Variants in DST observed in about 807,000 individuals in gnomAD.
DST encodes the protein dystonin.
Under a neutral mutation model 875.2 loss-of-function variants are expected in DST, and 253 were observed. The observed-to-expected ratio is 0.29, with a 90% CI of 0.26 to 0.32. The LOEUF (loss-of-function observed/expected upper bound fraction) is 0.32, where lower values mean the gene tolerates loss of function less well. Among genes scored for constraint, DST ranks in the 10% least tolerant of loss-of-function variants. The pLI, the probability that DST is intolerant of heterozygous loss-of-function variation, is 1.00. For synonymous variants in DST, 3,124 were observed against 3,197.1 expected (o/e 0.98, Z 0.77); for missense variants, 8,287 against 9,111.6 (o/e 0.91, Z 3.68).
At chr6:56,839,941 A>G (rs1322743633) in intron 4 of DST, among the ~76,000 whole-genome samples, 2 of 152,178 alleles carry the variant, frequency 1.3e-5, no homozygotes, top group African/African-American at 2.4e-5. Flanking sequence ...CGACCATTCC[A>G]TGCAGCTTTC....
chr6:56,905,519 T>A (rs1323327498), intron 2 of DST, among the ~76,000 whole-genome samples: 1 of 152,240 alleles, frequency 6.6e-6, no homozygotes, highest in East Asian at 1.9e-4. Flanking sequence ...TTTGTCTTTC[T>A]GTGACTGAGT....
At chr6:56,754,201 T>C (rs1309212313) in intron 4 of DST, among the ~76,000 whole-genome samples, 3 of 152,350 alleles carry the variant, frequency 2.0e-5, no homozygotes, top group Admixed American at 2.0e-4. Context: ...ATTTATAAAG[T>C]ACAACTTCTA....
chr6:56,749,376 T>C (rs773293051), intron 4 of DST, among the ~76,000 whole-genome samples: 5 of 151,994 alleles, frequency 3.3e-5, no homozygotes, highest in Non-Finnish European at 5.9e-5. Flanking sequence ...AATAAGAGCT[T>C]GGGAGCTCTT....
chr6:56,526,458 T>A lies in DST; in HGVS notation c.18032A>T (p.Lys6011Ile). The change falls in exon 69 of 104, where the codon AAA (lysine) becomes ATA (isoleucine). Residue 6011 changes from lysine (K) to isoleucine (I), a missense_variant. By Grantham distance (102) the Lys-to-Ile change is moderately radical. Coordinates refer to ENST00000680361, the MANE Select transcript of DST (RefSeq NM_001374736.1). ...VPWRAREGLEKMVAEDNERYR... is the reference protein window; with the variant it reads ...VPWRAREGLEIMVAEDNERYR... ...GCGCTCATTGTCCTCAGCTACCATT[T>A]TCTCAAGTCCTTCTCTTGCCCTCCA... The A allele has an allele frequency of 1.2e-6, 2 of 1,613,906 alleles. No individual in the cohort carries two copies. The highest frequency in any genetic ancestry group is 2.7e-5 in the African/African-American group (2 of 75,040).
intron 3 of DST, among the ~76,000 whole-genome samples, chr6:56,893,562 C>CTTTTTTTTTTTTTTTTTTTTTTTTTTTTT (rs1282483681): frequency 2.5e-4 from 9 of 35,892 alleles, no homozygotes; most frequent in Non-Finnish European, 4.1e-4. Context: ...ACTTTTAGTT[C>CTTTTTTTTTTTTTTTTTTTTTTTTTTTTT]TTTTTTTTTT....
chr6:56,752,011 T>G (rs555047609), intron 4 of DST, among the ~76,000 whole-genome samples: 3 of 152,174 alleles, frequency 2.0e-5, no homozygotes, highest in Non-Finnish European at 2.9e-5. Context: ...ACAACTCTTA[T>G]GAAGCTTAGA....
chr6:56,856,355 C>T (rs1162625854), intron 3 of DST, among the ~76,000 whole-genome samples: 1 of 152,136 alleles, frequency 6.6e-6, no homozygotes, highest in Admixed American at 6.5e-5. Context: ...AGTGCAGAGA[C>T]AAGGGTTTGC....
At chr6:56,779,395 C>G (rs1179145836) in intron 4 of DST, among the ~76,000 whole-genome samples, 1 of 151,978 alleles carries the variant, frequency 6.6e-6, no homozygotes, top group African/African-American at 2.4e-5. Context: ...TTAAATAGAT[C>G]CCATTTGTCA....
chr6:56,748,950 G>A (rs540618254), intron 4 of DST, among the ~76,000 whole-genome samples: 1 of 152,282 alleles, frequency 6.6e-6, no homozygotes, highest in South Asian at 2.1e-4. Flanking sequence ...GTCCTTGGCT[G>A]TTTAGGATCA....
chr6:56,487,301 A>G (rs1395364983), intron 86 of DST, 28 bp from the exon 87 acceptor site: 1 of 1,519,798 alleles, frequency 6.6e-7, no homozygotes, highest in Non-Finnish European at 8.8e-7. Context: ...AAAAAATGCG[A>G]ATTTCTTCTT....
chr6:56,766,721 GGGTTTCACCGTGTT>G (rs371354084), intron 4 of DST, among the ~76,000 whole-genome samples: 1 of 152,144 alleles, frequency 6.6e-6, no homozygotes, highest in African/African-American at 2.4e-5. Context: ...AGTAGAGTCG[GGGTTTCACCGTGTT>G]GGTCAGGCTG....
At chr6:56,778,436 G>C (rs2099684216) in intron 4 of DST, among the ~76,000 whole-genome samples, 1 of 149,746 alleles carries the variant, frequency 6.7e-6, no homozygotes, top group South Asian at 2.1e-4. Flanking sequence ...ACAACGTGCA[G>C]GTTAGTTACA....
chr6:56,566,532 T>C (rs1306077174), intron 55 of DST, among the ~76,000 whole-genome samples: 1 of 152,162 alleles, frequency 6.6e-6, no homozygotes, highest in Non-Finnish European at 1.5e-5. Context: ...CTGCACCCAC[T>C]GTCTAACCAG....
At chr6:56,459,307 G>T in intron 103 of DST, 40 bp from the exon 104 acceptor site, 1 of 1,570,568 alleles carries the variant, frequency 6.4e-7, no homozygotes, top group South Asian at 1.2e-5. Context: ...CTTATTATTG[G>T]GTCCATCTGC....
At position 56,598,380 on chromosome 6, in the gene DST, T is replaced by G. The variant is rs925548720; in HGVS notation, c.11928+96A>C. 6 of 735,446 alleles carry G rather than the reference T, an allele frequency of 8.2e-6. No individual in the cohort carries two copies. In the African/African-American group the frequency reaches 1.1e-4, roughly 13 times the overall value. The allele number at this position is 735,446 out of a possible 1,614,324, so 45.6% of individuals were successfully genotyped here. ...AGAATCCCATAATAATCCTTAGTGA[T>G]AATCCTTATTTACTACCACTGGATA... On this transcript the variant is annotated intron_variant, in intron 46 of 103. Coordinates refer to ENST00000680361, the MANE Select transcript of DST (RefSeq NM_001374736.1).
At chr6:56,808,233 T>C (rs2099755493) in intron 4 of DST, among the ~76,000 whole-genome samples, 1 of 152,116 alleles carries the variant, frequency 6.6e-6, no homozygotes, top group South Asian at 2.1e-4. Flanking sequence ...ATAGTTTCTT[T>C]TGAAAAACAG....
intron 22 of DST, 149 bp from the exon 23 acceptor site, chr6:56,636,801 G>T: frequency 2.7e-6 from 2 of 731,178 alleles, no homozygotes; most frequent in Non-Finnish European, 4.8e-6. Context: ...TAGGGCAGTG[G>T]CTGGGCATGG....
Position 56,485,295 on chromosome 6 carries a change from G to A in DST, c.21207+17C>T, listed in dbSNP as rs2095525619. The A allele has an allele frequency of 1.9e-6, 3 of 1,612,730 alleles. No individual in the cohort carries two copies. The highest frequency in any genetic ancestry group is 1.7e-5 in the Admixed American group (1 of 59,948). ...ATAATCAAACAAGATAAAATAAAAT[G>A]TCCCAGATAACAATACCTTGTGATT... On this transcript the variant is annotated intron_variant, in intron 88 of 103. Transcript: ENST00000680361.
intron 36 of DST, chr6:56,620,462 C>T: frequency 1.2e-6 from 2 of 1,614,174 alleles, no homozygotes; most frequent in South Asian, 1.1e-5. Flanking sequence ...CTTGGCTTCA[C>T]TTTCAGCCCT....
Sources: allele counts gnomAD v4.1 joint callset (sites outside exome capture counted in the v4.1 genomes callset), GRCh38; gene constraint gnomAD v4.1.1; transcripts MANE v1.5; gene names NCBI Gene and HGNC (gene_info 2026-07-23, HGNC 2026-07-21).